Variants in CTNND2 observed in about 807,000 individuals in gnomAD.
CTNND2 encodes catenin delta-2.
CTNND2 carries 22 observed loss-of-function variants against 144.4 expected under a neutral mutation model. The observed-to-expected ratio is 0.15, with a 90% CI of 0.11 to 0.22. The LOEUF is 0.22. Ranked by LOEUF, CTNND2 falls within the 10% of genes least tolerant of loss-of-function variation. The probability of loss-of-function intolerance (pLI) is 1.00; values close to 1 mark genes in which losing one functional copy is unlikely to be tolerated. For synonymous variants in CTNND2, 751 were observed against 695.6 expected (o/e 1.08, Z -1.25); for missense variants, 1,353 against 1,618.8 (o/e 0.84, Z 2.82).
chr5:11,375,026 G>A (rs1757802916), intron 7 of CTNND2, among the ~76,000 whole-genome samples: 1 of 152,116 alleles, frequency 6.6e-6, no homozygotes, highest in Non-Finnish European at 1.5e-5. Context: ...AGTTGTCTTT[G>A]TAAATGGGTT....
chr5:11,013,237 G>A (rs1041768891), intron 18 of CTNND2, among the ~76,000 whole-genome samples: 3 of 151,952 alleles, frequency 2.0e-5, no homozygotes, highest in Admixed American at 6.6e-5. Context: ...CTTCTCCATG[G>A]GTGTCCACTC....
At chr5:11,698,699 G>T (rs914744731) in intron 2 of CTNND2, among the ~76,000 whole-genome samples, 9 of 151,986 alleles carry the variant, frequency 5.9e-5, no homozygotes, top group Non-Finnish European at 1.3e-4. Flanking sequence ...TTCATATAAA[G>T]AATTTTTTCT....
At chr5:11,777,509 C>T (rs558491988) in intron 1 of CTNND2, among the ~76,000 whole-genome samples, 1 of 152,134 alleles carries the variant, frequency 6.6e-6, no homozygotes, top group South Asian at 2.1e-4. Flanking sequence ...AATCCTGGAT[C>T]GAGTTCTGAG....
At position 11,341,888 on chromosome 5, in the gene CTNND2, T is replaced by C. The variant is rs145729708; in HGVS notation, c.1628+4484A>G. ...TTTAACCAGGCTTGTGGCCAGCCTG[T>C]AGTCCCACCTACTTGGGAGGCTGAG... is the stretch of plus-strand genomic sequence containing the variant. On this transcript the variant is annotated intron_variant, in intron 9 of 21. Transcript: ENST00000304623. Among the ~76,000 whole-genome samples the C allele has an allele frequency of 4.3e-3, 655 of 152,202 alleles. 9 individuals are homozygous for C. The highest frequency in any genetic ancestry group is 0.015 in the South Asian group (74 of 4,816).
At chr5:11,030,181 A>G (rs1455987047) in intron 16 of CTNND2, among the ~76,000 whole-genome samples, 1 of 152,118 alleles carries the variant, frequency 6.6e-6, no homozygotes, top group African/African-American at 2.4e-5. Context: ...TTCTTTATCT[A>G]TGTCTTTCAA....
chr5:11,437,022 T>C (rs1409948829), intron 3 of CTNND2, among the ~76,000 whole-genome samples: 1 of 152,200 alleles, frequency 6.6e-6, no homozygotes, highest in Non-Finnish European at 1.5e-5. Flanking sequence ...TTCTCTGAAA[T>C]GTTCTGGAGT....
At chr5:11,012,779 G>A (rs1741224190) in intron 18 of CTNND2, among the ~76,000 whole-genome samples, 1 of 152,220 alleles carries the variant, frequency 6.6e-6, no homozygotes, top group African/African-American at 2.4e-5. Context: ...CCAGTTTTAT[G>A]AGTAGAAGTT....
chr5:11,746,974 CTT>C (rs1176501981), intron 1 of CTNND2, among the ~76,000 whole-genome samples: 1 of 152,072 alleles, frequency 6.6e-6, no homozygotes, highest in Non-Finnish European at 1.5e-5. Context: ...AAATTAATGA[CTT>C]TGGTTGATAC....
At chr5:11,564,894 CT>C in intron 3 of CTNND2, 49 bp downstream of exon 3, 1 of 1,270,076 alleles carries the variant, frequency 7.9e-7, no homozygotes, top group Non-Finnish European at 1.1e-6. Context: ...TCACGATTTA[CT>C]TGCAGGGGCA....
intron 1 of CTNND2, among the ~76,000 whole-genome samples, chr5:11,765,630 G>C (rs1789538826): frequency 6.6e-6 from 1 of 152,066 alleles, no homozygotes; most frequent in Non-Finnish European, 1.5e-5. Context: ...GCTTGAAAAT[G>C]GCGTCGAACT....
intron 1 of CTNND2, among the ~76,000 whole-genome samples, chr5:11,873,786 T>C (rs1735341283): frequency 6.6e-6 from 1 of 152,108 alleles, no homozygotes. Flanking sequence ...CTGCCCAAGG[T>C]GGAGGCGACA....
At chr5:11,423,009 C>T (rs1762490664) in intron 3 of CTNND2, among the ~76,000 whole-genome samples, 2 of 152,154 alleles carry the variant, frequency 1.3e-5, no homozygotes, top group South Asian at 2.1e-4. Context: ...GAGAAATTTA[C>T]AGTAAAGTAA....
intron 7 of CTNND2, among the ~76,000 whole-genome samples, chr5:11,379,554 C>A (rs1038115145): frequency 6.6e-6 from 1 of 151,866 alleles, no homozygotes; most frequent in Non-Finnish European, 1.5e-5. Context: ...ACATTTAACT[C>A]TTAATTTATT....
At chr5:11,376,479 A>G (rs1757960936) in intron 7 of CTNND2, among the ~76,000 whole-genome samples, 1 of 152,186 alleles carries the variant, frequency 6.6e-6, no homozygotes, top group African/African-American at 2.4e-5. Flanking sequence ...CATATTTGAG[A>G]AAGAAAAATC....
intron 16 of CTNND2, among the ~76,000 whole-genome samples, chr5:11,036,613 G>A (rs911497837): frequency 1.3e-5 from 2 of 151,988 alleles, no homozygotes; most frequent in South Asian, 4.2e-4. Context: ...GGTAGAAATG[G>A]GATTTCACCA....
At position 11,778,094 on chromosome 5, in the gene CTNND2, T is replaced by C. The variant is rs150060064; in HGVS notation, c.38-45822A>G. Among the ~76,000 whole-genome samples, 234 of 152,168 alleles carry C rather than the reference T, an allele frequency of 1.5e-3. No homozygotes were observed. In the East Asian group the frequency reaches 0.023, roughly 15 times the overall value. On this transcript the variant is annotated intron_variant, in intron 1 of 21. Transcript: ENST00000304623. The stretch of plus-strand genomic sequence containing the variant: ...TTTTGACTGAGACTGGAAATCTCAG[T>C]TTAAGTTGTTAAGGATGGAAGAGAC...
chr5:10,973,423 A>G lies in CTNND2; in HGVS notation c.*30T>C. The G allele has an allele frequency of 6.5e-7, 1 of 1,535,194 alleles. No individual in the cohort carries two copies. On this transcript the variant is annotated 3_prime_UTR_variant, in exon 22 of 22. Transcript: ENST00000304623. This position sits in a 1 kb window ranked among gnomAD's most constrained non-coding sequence, Gnocchi z 5.6. The stretch of plus-strand genomic sequence containing the variant: ...TGTCTTGTGGTATGCATGCACATGC[A>G]CTGTTCCCGGAGCGCCTGTGCCCTG...
intron 3 of CTNND2, among the ~76,000 whole-genome samples, chr5:11,563,708 G>A (rs1230747405): frequency 5.9e-5 from 9 of 151,456 alleles, no homozygotes; most frequent in South Asian, 2.1e-4. Context: ...GGTTAACCCC[G>A]CTTAACAACA....
At position 11,903,353 on chromosome 5, in the gene CTNND2, T is replaced by C; in HGVS notation, c.37+464A>G. 1 of 990,068 alleles carries C rather than the reference T, an allele frequency of 1.0e-6. No individual in the cohort carries two copies. The highest frequency in any genetic ancestry group is 1.2e-6 in the Non-Finnish European group (1 of 833,314). The allele number at this position is 990,068 out of a possible 1,614,324, so 61.3% of individuals were successfully genotyped here. On this transcript the variant is annotated intron_variant, in intron 1 of 21. Transcript: ENST00000304623. This position sits in a 1 kb window ranked among gnomAD's most constrained non-coding sequence, Gnocchi z 5.4. ...ACGGCCATGGACGCATATGACTAAG[T>C]CTTTCCATTTTGTTCTAGCCAAACA...
Sources: gnomAD v4.1 joint callset for allele counts (sites outside exome capture counted in the v4.1 genomes callset) on GRCh38, gnomAD v4.1.1 for gene constraint, Gnocchi (gnomAD v3.1) non-coding constraint, MANE v1.5 for transcripts, NCBI Gene and HGNC (gene_info 2026-07-23, HGNC 2026-07-21) for gene names.